Variants in MUC17 observed in about 807,000 individuals in gnomAD.
MUC17 encodes the protein mucin 17, cell surface associated.
MUC17 carries 190 observed loss-of-function variants against 170.3 expected under a neutral mutation model. That is an observed-to-expected ratio of 1.12 (90% CI 0.99 to 1.26). MUC17 has a LOEUF of 1.26. MUC17 is among the 50% of genes most tolerant of loss of function. The probability of loss-of-function intolerance (pLI) is 0.00; values close to 1 mark genes in which losing one functional copy is unlikely to be tolerated. For synonymous variants in MUC17, 2,325 were observed against 2,002.5 expected (o/e 1.16, Z -4.30); for missense variants, 6,415 against 5,530.0 (o/e 1.16, Z -5.08).
chr7:101,046,963 C>T (rs1794853591), intron 3 of MUC17, among the ~76,000 whole-genome samples: 1 of 151,788 alleles, frequency 6.6e-6, no homozygotes, highest in Non-Finnish European at 1.5e-5. Context: ...TGCCTGTAGT[C>T]CCAGCTACTT....
intron 1 of MUC17, 57 bp downstream of exon 1, chr7:101,020,274 C>T: frequency 6.8e-7 from 1 of 1,462,086 alleles, no homozygotes; most frequent in Non-Finnish European, 9.4e-7. Flanking sequence ...GGCCAGCCTG[C>T]TCTGTCTGCC....
At chr7:101,048,227 G>A (rs1562821948) in intron 4 of MUC17, 112 bp downstream of exon 4, 1 of 1,100,734 alleles carries the variant, frequency 9.1e-7, no homozygotes, top group Non-Finnish European at 1.2e-6. Flanking sequence ...CCTCTTCTGG[G>A]CTGTGGTGTT....
chr7:101,042,714 G>T lies in MUC17; in HGVS notation c.11298G>T (p.Thr3766=). The T allele has an allele frequency of 6.2e-7, 1 of 1,613,732 alleles. No homozygotes were observed. Among genetic ancestry groups the T allele is most frequent in the African/African-American group, 1.3e-5 (1 of 75,020 alleles). ...TTILVSTTPV[T]RFPESSTPSI... is the part of the protein sequence containing the mutation. The stretch of plus-strand genomic sequence containing the variant: ...TTCTTGTCAGTACCACACCTGTTAC[G>T]AGGTTTCCTGAGAGTAGCACCCCTT... Residue 3766 remains threonine (T), a synonymous_variant, in exon 3 of 13, where the codon ACG becomes ACT. Coordinates refer to ENST00000306151, the MANE Select transcript of MUC17 (RefSeq NM_001040105.2).
chr7:101,037,688 G>T lies in MUC17; in HGVS notation c.6272G>T (p.Ser2091Ile). 2 of 1,613,136 alleles carry T rather than the reference G, an allele frequency of 1.2e-6. No individual in the cohort carries two copies. Among genetic ancestry groups the T allele is most frequent in the South Asian group, 2.2e-5 (2 of 90,988 alleles). ...ASSSATAEGS[S>I]MTISAPSEGS... The stretch of plus-strand genomic sequence containing the variant: ...TCATCTGCAACCGCTGAAGGTAGCA[G>T]CATGACAATCTCAGCTCCTAGTGAA... The change falls in exon 3 of 13, where the codon AGC becomes ATC. Residue 2091 changes from serine to isoleucine, a missense_variant. Transcript: ENST00000306151.
At chr7:101,054,606 A>T (rs35802441) in intron 11 of MUC17, among the ~76,000 whole-genome samples, 22,735 of 151,890 alleles carry the variant, frequency 0.15, 2,048 homozygotes, top group African/African-American at 0.25. Context: ...AGGCTGGAGG[A>T]TCTCTTGAGG....
In MUC17 at chr7:101,035,641, G is replaced by C. The variant is rs71286278; in HGVS notation, c.4225G>C (p.Val1409Leu). Residue 1409 changes from valine to leucine, a missense_variant, in exon 3 of 13, where the codon GTC (valine) becomes CTC (leucine). Physicochemically the swap from Val to Leu is conservative, Grantham distance 32. Coordinates refer to ENST00000306151, the MANE Select transcript of MUC17 (RefSeq NM_001040105.2). ...TSIPVSTTPV[V>L]SSEASTLSAT... Reference sequence around the variant, plus strand: ...TATACCTGTCAGCACCACGCCGGTAGTCAGTTCTGAGGCTAGCACCCTTTC... The same window carrying C: ...TATACCTGTCAGCACCACGCCGGTACTCAGTTCTGAGGCTAGCACCCTTTC... 9.6e-5 allele frequency: 154 copies of C among 1,610,594 alleles called. 2 individuals carry two copies. The highest frequency in any genetic ancestry group is 3.1e-4 in the East Asian group (14 of 44,764).
chr7:101,032,028 C>T lies in MUC17; in HGVS notation c.612C>T (p.Thr204=), dbSNP rs1478549034. 1 of 1,614,222 alleles carries T rather than the reference C, an allele frequency of 6.2e-7. No homozygotes were observed. Among genetic ancestry groups the T allele is most frequent in the East Asian group, 2.2e-5 (1 of 44,888 alleles). Residue 204 remains threonine, a synonymous_variant, in exon 3 of 13, where the codon ACC becomes ACT. Transcript: ENST00000306151. Reference sequence around the variant, plus strand: ...CATCTCCTACTACTCCTGAAAGCACCACCATACCCAAATCAACTAACAGTG... The same window carrying T: ...CATCTCCTACTACTCCTGAAAGCACTACCATACCCAAATCAACTAACAGTG... The part of the protein sequence containing the change: ...ASSSPTTPES[T]TIPKSTNSEG...
chr7:101,049,920 C>T (rs371726253), intron 6 of MUC17, among the ~76,000 whole-genome samples: 10 of 152,000 alleles, frequency 6.6e-5, no homozygotes, highest in Non-Finnish European at 8.8e-5. Context: ...TATTTGAGGC[C>T]GGGAGCACAA....
rs769203750 is a variant in MUC17 at position 101,035,815 on chromosome 7, G to C, written c.4399G>C (p.Val1467Leu). 6.2e-7 allele frequency: 1 copy of C among 1,603,128 alleles called. No homozygotes were observed. The highest frequency in any genetic ancestry group is 1.3e-5 in the African/African-American group (1 of 74,678). Reference sequence around the variant, plus strand: ...AAGTATACCTGTCAGCAACACGCCGGTGGCCAATTCTGAGGCTAGCACCCT... The same window carrying C: ...AAGTATACCTGTCAGCAACACGCCGCTGGCCAATTCTGAGGCTAGCACCCT... ...LKSIPVSNTP[V>L]ANSEASTLST... The change falls in exon 3 of 13, where the codon GTG (valine) becomes CTG (leucine). Residue 1467 changes from valine (V) to leucine (L), a missense_variant. Physicochemically the swap from Val to Leu is conservative, Grantham distance 32. Coordinates refer to ENST00000306151, the MANE Select transcript of MUC17 (RefSeq NM_001040105.2).
rs778628695 is a variant in MUC17 at position 101,040,451 on chromosome 7, C to A, written c.9035C>A (p.Ala3012Asp). The change falls in exon 3 of 13, where the codon GCT becomes GAT. Residue 3012 changes from alanine to aspartate, a missense_variant. Ala to Asp is a moderately radical substitution (Grantham distance 126, BLOSUM62 -2). Coordinates refer to ENST00000306151, the MANE Select transcript of MUC17 (RefSeq NM_001040105.2). ...SEASTLSRTP[A>D]DTSTPVTTST... ...GCTAGCACCCTTTCAAGAACTCCTG[C>A]TGACACCAGCACACCTGTGACCACT... 3.1e-6 allele frequency: 5 copies of A among 1,597,006 alleles called. No individual in the cohort carries two copies. The East Asian group carries it at 9.1e-5, about 29-fold the overall frequency.
At chr7:101,051,522 A>ACC (rs1794943620) in intron 7 of MUC17, 91 bp from the exon 8 acceptor site, 1 of 1,307,366 alleles carries the variant, frequency 7.6e-7, no homozygotes, top group Non-Finnish European at 1.1e-6. Flanking sequence ...ATCGCAGCCC[A>ACC]CCCCCTTCTC....
In MUC17 at chr7:101,051,658, C is replaced by T. The variant is rs746345335; in HGVS notation, c.12920C>T (p.Thr4307Met). ...ACTGGCACCCAAGTGCAAAACATTA[C>T]GGTGACCCAGTACGACCCTGAAGGT... ...NTTGTQVQNI[T>M]VTQYDPEEDC... The change falls in exon 8 of 13, where the codon ACG becomes ATG. Residue 4307 changes from threonine to methionine, a missense_variant. Coordinates refer to ENST00000306151, the MANE Select transcript of MUC17 (RefSeq NM_001040105.2). 32 of 1,611,314 alleles carry T rather than the reference C, an allele frequency of 2.0e-5. No individual in the cohort carries two copies. The highest frequency in any genetic ancestry group is 5.4e-5 in the African/African-American group (4 of 74,740).
In MUC17 at chr7:101,031,105, C is replaced by T. The variant is rs1794270685; in HGVS notation, c.83-15C>T. 6.2e-7 allele frequency: 1 copy of T among 1,602,766 alleles called. No homozygotes were observed. Among genetic ancestry groups the T allele is most frequent in the East Asian group, 2.3e-5 (1 of 44,412 alleles). On this transcript the variant is annotated splice_polypyrimidine_tract_variant and intron_variant, in intron 1 of 12. Transcript: ENST00000306151. ...TCATGGCTCTGGGATACTAACTCCC[C>T]TTTGTCTCTTTCAGACCTCAGTGTG...
Position 101,036,677 on chromosome 7 carries a change from T to C in MUC17, c.5261T>C (p.Ile1754Thr), listed in dbSNP as rs766999661. The C allele has an allele frequency of 5.0e-6, 8 of 1,612,968 alleles. No homozygotes were observed. In the African/African-American group the frequency reaches 5.4e-5, roughly 11 times the overall value. ...GAAGGAACCACTCCATTAACAAGTATACCTGTCAGCACCACGCCGGTACTC... is the reference window on the plus strand; with the variant it reads ...GAAGGAACCACTCCATTAACAAGTACACCTGTCAGCACCACGCCGGTACTC... ...PSEGTTPLTS[I>T]PVSTTPVLSS... The change falls in exon 3 of 13, where the codon ATA (isoleucine) becomes ACA (threonine). Residue 1754 changes from isoleucine to threonine, a missense_variant. By Grantham distance (89) the Ile-to-Thr change is moderately conservative. Coordinates refer to ENST00000306151, the MANE Select transcript of MUC17 (RefSeq NM_001040105.2).
intron 6 of MUC17, among the ~76,000 whole-genome samples, chr7:101,050,195 C>T (rs1794912352): frequency 6.6e-6 from 1 of 152,194 alleles, no homozygotes; most frequent in African/African-American, 2.4e-5. Flanking sequence ...CATCCATCTT[C>T]ATCGCTGAGG....
chr7:101,055,385 A>G (rs1795028322), intron 11 of MUC17, among the ~76,000 whole-genome samples: 1 of 152,014 alleles, frequency 6.6e-6, no homozygotes, highest in South Asian at 2.1e-4. Flanking sequence ...TTTTGTGTAT[A>G]GCTGTACTCA....
Position 101,031,777 on chromosome 7 carries a change from T to G in MUC17, c.361T>G (p.Ser121Ala), listed in dbSNP as rs1794284245. 2 of 1,607,908 alleles carry G rather than the reference T, an allele frequency of 1.2e-6. No individual in the cohort carries two copies. Reference protein sequence around the residue: ...TPTESRTTSESTSDSTTLFPS... With the variant: ...TPTESRTTSEATSDSTTLFPS... ...AACAGAATCCAGAACAACTTCAGAA[T>G]CTACCAGTGACAGCACCACACTTTT... The change falls in exon 3 of 13, where the codon TCT becomes GCT. Residue 121 changes from serine to alanine, a missense_variant. Coordinates refer to ENST00000306151, the MANE Select transcript of MUC17 (RefSeq NM_001040105.2).
At chr7:101,026,759 T>C (rs1794187634) in intron 1 of MUC17, among the ~76,000 whole-genome samples, 1 of 152,162 alleles carries the variant, frequency 6.6e-6, no homozygotes, top group Admixed American at 6.5e-5. Flanking sequence ...TAATTGTTTT[T>C]TAGTAGAGGT....
chr7:101,049,012 C>T (rs746161728), intron 5 of MUC17, 40 bp downstream of exon 5: 19 of 1,613,352 alleles, frequency 1.2e-5, no homozygotes, highest in African/African-American at 1.3e-5. Context: ...TACTCAGTTC[C>T]CCCCAGAGCA....
Sources: gnomAD v4.1 joint callset for allele counts (sites outside exome capture counted in the v4.1 genomes callset) on GRCh38, gnomAD v4.1.1 for gene constraint, MANE v1.5 for transcripts, NCBI Gene and HGNC (gene_info 2026-07-23, HGNC 2026-07-21) for gene names.